Variants in PRKAG2 observed in about 807,000 individuals in gnomAD.
PRKAG2 encodes the protein 5'-AMP-activated protein kinase subunit gamma-2.
A neutral mutation model predicts 69.6 loss-of-function variants in PRKAG2; 26 were observed. The ratio of observed to expected loss-of-function variants is 0.37; its 90% CI spans 0.27 to 0.52. The LOEUF (loss-of-function observed/expected upper bound fraction) is 0.52. Among genes scored for constraint, PRKAG2 ranks in the 20% least tolerant of loss-of-function variants. The pLI, the probability that PRKAG2 is intolerant of heterozygous loss-of-function variation, is 0.90. For synonymous variants in PRKAG2, 293 were observed against 285.0 expected (o/e 1.03, Z -0.28); for missense variants, 557 against 740.0 (o/e 0.75, Z 2.87).
intron 3 of PRKAG2, among the ~76,000 whole-genome samples, chr7:151,712,650 C>A (rs558429386): frequency 6.6e-6 from 1 of 152,376 alleles, no homozygotes; most frequent in Non-Finnish European, 1.5e-5. Flanking sequence ...CAGGCACAAT[C>A]AGGCTCCTGT....
intron 6 of PRKAG2, among the ~76,000 whole-genome samples, chr7:151,587,920 G>T (rs1812080135): frequency 6.6e-6 from 1 of 152,074 alleles, no homozygotes; most frequent in South Asian, 2.1e-4. Flanking sequence ...CCACACTAAC[G>T]CAAGATGTCA....
At chr7:151,587,791 A>T (rs1563197104) in intron 6 of PRKAG2, among the ~76,000 whole-genome samples, 1 of 152,200 alleles carries the variant, frequency 6.6e-6, no homozygotes. Context: ...GGGGTAACCT[A>T]GATGGGATCC....
At chr7:151,826,590 G>A (rs1028218746) in intron 1 of PRKAG2, among the ~76,000 whole-genome samples, 2 of 152,062 alleles carry the variant, frequency 1.3e-5, no homozygotes, top group Non-Finnish European at 2.9e-5. Context: ...AGGTGAAAAT[G>A]TACCCTAATC....
At position 151,797,587 on chromosome 7, in the gene PRKAG2, C is replaced by T. The variant is rs923604276; in HGVS notation, c.115-11046G>A. ...TGTCCATATTTACAGAGCCATACAT[C>T]AAAAGATTCTTCCCCAACACTTTCT... On this transcript the variant is annotated intron_variant, in intron 1 of 15. Coordinates refer to ENST00000287878, the MANE Select transcript of PRKAG2 (RefSeq NM_016203.4). Among the ~76,000 whole-genome samples, 4 of 152,198 alleles carry T rather than the reference C, an allele frequency of 2.6e-5. 1 individual carries two copies. The highest frequency in any genetic ancestry group is 2.6e-4 in the Admixed American group (4 of 15,290).
intron 1 of PRKAG2, among the ~76,000 whole-genome samples, chr7:151,860,800 C>G (rs1257837940): frequency 1.3e-5 from 2 of 152,184 alleles, no homozygotes; most frequent in Non-Finnish European, 2.9e-5. Flanking sequence ...TGTTCTCGCC[C>G]AGGGAACACT....
intron 11 of PRKAG2, 165 bp downstream of exon 11, chr7:151,568,551 A>G: frequency 1.5e-6 from 1 of 683,224 alleles, no homozygotes; most frequent in Non-Finnish European, 2.4e-6. Context: ...CAACTTTAAG[A>G]ATGTACAATT....
At chr7:151,776,504 T>C (rs1006061580) in intron 3 of PRKAG2, among the ~76,000 whole-genome samples, 2 of 152,166 alleles carry the variant, frequency 1.3e-5, no homozygotes, top group African/African-American at 4.8e-5. Context: ...GTGGCCAACG[T>C]CCCACCATGT....
At chr7:151,560,087 T>A (rs1303173564) in intron 15 of PRKAG2, 2 of 984,668 alleles carry the variant, frequency 2.0e-6, no homozygotes, top group Admixed American at 1.2e-4. Context: ...AATAAAAGTT[T>A]GTGTTTAGGT....
rs2076409082 is a variant in PRKAG2, at chr7:151,777,190, C to T, written c.466+3962G>A. Reference sequence around the variant, plus strand: ...GGCCATGGCCAGGTTCAGCATGGGCCCCGAGGTCTAGCTCTTCACTGCGGC... The same window carrying T: ...GGCCATGGCCAGGTTCAGCATGGGCTCCGAGGTCTAGCTCTTCACTGCGGC... On this transcript the variant is annotated intron_variant, in intron 3 of 15. Transcript: ENST00000287878. The surrounding 1 kb of genome is among the most constrained non-coding windows in gnomAD (Gnocchi z 4.3). Among the ~76,000 whole-genome samples, 1 of 152,190 alleles carries T rather than the reference C, an allele frequency of 6.6e-6. No homozygotes were observed. The highest frequency in any genetic ancestry group is 2.1e-4 in the South Asian group (1 of 4,834).
chr7:151,798,561 T>C (rs55834419), intron 1 of PRKAG2, among the ~76,000 whole-genome samples: 6,599 of 152,268 alleles, frequency 0.043, 462 homozygotes, highest in African/African-American at 0.14. Flanking sequence ...GGGATATACC[T>C]GCCTTGGCCT....
chr7:151,831,324 T>C (rs536495798), intron 1 of PRKAG2, among the ~76,000 whole-genome samples: 4 of 152,250 alleles, frequency 2.6e-5, no homozygotes, highest in South Asian at 2.1e-4. Flanking sequence ...AGCCAAAAGG[T>C]GGAAACAACC....
At chr7:151,725,793 C>T (rs1203328533) in intron 3 of PRKAG2, among the ~76,000 whole-genome samples, 1 of 152,164 alleles carries the variant, frequency 6.6e-6, no homozygotes, top group East Asian at 1.9e-4. Context: ...TGCACCCTGC[C>T]TGTGCCCTTT....
At chr7:151,710,199 G>A in intron 3 of PRKAG2, among the ~76,000 whole-genome samples, 1 of 152,224 alleles carries the variant, frequency 6.6e-6, no homozygotes, top group Admixed American at 6.5e-5. Flanking sequence ...GGCAGGTGGA[G>A]ACTCAGGAGG....
At chr7:151,832,249 A>G (rs1296221591) in intron 1 of PRKAG2, among the ~76,000 whole-genome samples, 7 of 18,558 alleles carry the variant, frequency 3.8e-4, no homozygotes, top group African/African-American at 1.1e-3. Flanking sequence ...GGAGGGAAGG[A>G]AGGGAGGAGG....
At chr7:151,740,929 A>C (rs1365295104) in intron 3 of PRKAG2, among the ~76,000 whole-genome samples, 1 of 152,244 alleles carries the variant, frequency 6.6e-6, no homozygotes, top group Non-Finnish European at 1.5e-5. Flanking sequence ...TCTGCTGTTA[A>C]ATATGGTAGC....
At chr7:151,609,266 T>C (rs1423598849) in intron 5 of PRKAG2, among the ~76,000 whole-genome samples, 2 of 152,034 alleles carry the variant, frequency 1.3e-5, no homozygotes, top group Non-Finnish European at 2.9e-5. Context: ...TTACTTTTTC[T>C]GAAACCCATT....
At position 151,614,983 on chromosome 7, in the gene PRKAG2, CGA is replaced by C. The variant is rs1435915502; in HGVS notation, c.754+17084_754+17085del. ...AGCCGTATGGATCCAGAGGGAACCTCGAGAGAGGAGCCGTGTGGATCCAGAGG... is the reference window on the plus strand; with the variant it reads ...AGCCGTATGGATCCAGAGGGAACCTCGAGAGGAGCCGTGTGGATCCAGAGG... On this transcript the variant is annotated intron_variant, in intron 5 of 15. Transcript: ENST00000287878. The surrounding 1 kb of genome is among the most constrained non-coding windows in gnomAD (Gnocchi z 4.4). Among the ~76,000 whole-genome samples the C allele has an allele frequency of 6.6e-6, 1 of 152,070 alleles. No homozygotes were observed. Among genetic ancestry groups the C allele is most frequent in the Non-Finnish European group, 1.5e-5 (1 of 68,036 alleles).
intron 3 of PRKAG2, among the ~76,000 whole-genome samples, chr7:151,730,584 C>A (rs1363797299): frequency 6.6e-6 from 1 of 151,728 alleles, no homozygotes; most frequent in African/African-American, 2.4e-5. Flanking sequence ...AATTTCAGGG[C>A]AAAACCAATA....
chr7:151,625,216 C>T (rs1264150005), intron 5 of PRKAG2, among the ~76,000 whole-genome samples: 2 of 152,072 alleles, frequency 1.3e-5, no homozygotes, highest in Non-Finnish European at 2.9e-5. Flanking sequence ...CCTGAGGAAG[C>T]GACATCTAAC....
Sources: allele counts gnomAD v4.1 joint callset (sites outside exome capture counted in the v4.1 genomes callset), GRCh38; gene constraint gnomAD v4.1.1; non-coding constraint Gnocchi (gnomAD v3.1); transcripts MANE v1.5; gene names NCBI Gene and HGNC (gene_info 2026-07-23, HGNC 2026-07-21).